POTEI: variants seen among roughly 807,000 people sequenced by gnomAD.
POTEI encodes POTE ankyrin domain family, member I.
In POTEI, 14 loss-of-function variants were observed where a neutral mutation model predicts 43.4. The ratio of observed to expected loss-of-function variants is 0.32; its 90% CI spans 0.21 to 0.50. POTEI has a LOEUF of 0.50. POTEI is among the 20% of genes least tolerant of loss of function. POTEI has a pLI of 0.98. For synonymous variants in POTEI, 95 were observed against 297.9 expected, an observed-to-expected ratio of 0.32 and a Z score of 7.01; for missense variants, 235 against 795.4, an observed-to-expected ratio of 0.30 and a Z score of 8.47.
chr2:130,509,269 C>T lies in POTEI; in HGVS notation c.-34G>A, dbSNP rs1308563251. 15 of 1,022,556 alleles carry T rather than the reference C, an allele frequency of 1.5e-5. No individual in the cohort carries two copies. The highest frequency in any genetic ancestry group is 2.1e-5 in the Non-Finnish European group (15 of 719,084). The allele number at this position is 1,022,556 out of a possible 1,614,324, so 63.3% of individuals were successfully genotyped here. A position where few individuals can be genotyped will look rare whatever the true frequency, so the allele number is the denominator to read the frequency against. Reference sequence around the variant, plus strand: ...AACAGCCTGGGGAGGCCGGTAGTAGCGAGCAGATCACGTCTACCAACCAGT... The same window carrying T: ...AACAGCCTGGGGAGGCCGGTAGTAGTGAGCAGATCACGTCTACCAACCAGT... On this transcript the variant is annotated 5_prime_UTR_variant, in exon 1 of 15. Transcript: ENST00000451531.
chr2:130,491,735 C>G (rs1683743947), intron 6 of POTEI, among the ~76,000 whole-genome samples: 1 of 102,568 alleles, frequency 9.7e-6, no homozygotes. Context: ...TCACTGCAAC[C>G]TCTGACACTC....
chr2:130,463,213 T>A lies in POTEI; in HGVS notation c.2831A>T (p.Asp944Val). Reference protein sequence around the residue: ...SSLEKSYELPDGQVITIGNEW... With the variant: ...SSLEKSYELPVGQVITIGNEW... ...GTTGCCGATGGTGATGACCTGGCCA[T>A]CGGGCAGCTCGTAGCTCTTCTCTAG... The change falls in exon 15 of 15, where the codon GAT becomes GTT. Residue 944 changes from aspartate to valine, a missense_variant. Asp to Val is a radical substitution (Grantham distance 152). Transcript: ENST00000451531. 2.7e-6 allele frequency: 4 copies of A among 1,494,586 alleles called. No homozygotes were observed. In the South Asian group the frequency reaches 4.6e-5, roughly 17 times the overall value. 92.6% of individuals were successfully genotyped at this position (1,494,586 alleles called of 1,614,324 possible). A position where few individuals can be genotyped will look rare whatever the true frequency, so the allele number is the denominator to read the frequency against.
rs538586158 is a variant in POTEI, at chr2:130,509,209, C to T, written c.27G>A (p.Pro9=). 5.2e-5 allele frequency: 76 copies of T among 1,459,864 alleles called. 6 individuals carry two copies. The East Asian group carries it at 1.5e-3, about 29-fold the overall frequency. The allele number at this position is 1,459,864 out of a possible 1,614,324, so 90.4% of individuals were successfully genotyped here. Residue 9 remains proline, a synonymous_variant, in exon 1 of 15, where the codon CCG becomes CCA. Coordinates refer to ENST00000451531, the MANE Select transcript of POTEI (RefSeq NM_001277406.2). The stretch of plus-strand genomic sequence containing the variant: ...ATGGCTTCTTCACAGAAGAGGCAGC[C>T]GGCATTGAATCAACCTCAGCTACCA... MVAEVDSM[P]AASSVKKPFV...
chr2:130,501,820 C>T (rs1224863197), intron 3 of POTEI, among the ~76,000 whole-genome samples: 3 of 4,904 alleles, frequency 6.1e-4, no homozygotes, highest in African/African-American at 8.3e-4. Flanking sequence ...TTGGAGAGGT[C>T]GAGGCTGCAG....
At chr2:130,507,290 A>ATATATATATATATATATG (rs2105131026) in intron 1 of POTEI, among the ~76,000 whole-genome samples, 1 of 9,428 alleles carries the variant, frequency 1.1e-4, no homozygotes, top group African/African-American at 1.2e-4. Context: ...ATATATATAT[A>ATATATATATATATATATG]TATATATATA....
chr2:130,487,772 CT>C (rs1316988534), intron 9 of POTEI, among the ~76,000 whole-genome samples: 1 of 53,254 alleles, frequency 1.9e-5, no homozygotes, highest in African/African-American at 5.9e-5. Flanking sequence ...ACATGTACCC[CT>C]GAAACTAAAA....
At chr2:130,464,972 T>C (rs1682793402) in intron 14 of POTEI, among the ~76,000 whole-genome samples, 1 of 149,290 alleles carries the variant, frequency 6.7e-6, no homozygotes, top group Non-Finnish European at 1.5e-5. Context: ...GTAAATAAGA[T>C]ACAACTTATA....
chr2:130,478,563 C>G (rs2261519), intron 10 of POTEI, among the ~76,000 whole-genome samples: 5 of 108,216 alleles, frequency 4.6e-5, no homozygotes, highest in Non-Finnish European at 8.9e-5. Flanking sequence ...GGGAAAAACA[C>G]AAAGCACATT....
intron 1 of POTEI, among the ~76,000 whole-genome samples, chr2:130,506,949 A>T (rs1684169961): frequency 7.2e-6 from 1 of 138,638 alleles, no homozygotes; most frequent in African/African-American, 2.6e-5. Flanking sequence ...GCCCAATTTT[A>T]AAATGAGCTT....
chr2:130,509,052 C>A lies in POTEI; in HGVS notation c.184G>T (p.Gly62Cys). The change falls in exon 1 of 15, where the codon GGC becomes TGC. Residue 62 changes from glycine (G) to cysteine (C), a missense_variant. Coordinates refer to ENST00000451531, the MANE Select transcript of POTEI (RefSeq NM_001277406.2). Reference sequence around the variant, plus strand: ...GGGAAGCAGTGGCAGCACCACTTGCCCATCTTGCTCCTGAGTGTCTTCATA... The same window carrying A: ...GGGAAGCAGTGGCAGCACCACTTGCACATCTTGCTCCTGAGTGTCTTCATA... ...STMKTLRSKM[G>C]KWCCHCFPCC... 2 of 1,504,320 alleles carry A rather than the reference C, an allele frequency of 1.3e-6. No individual in the cohort carries two copies. The highest frequency in any genetic ancestry group is 9.1e-7 in the Non-Finnish European group (1 of 1,103,546). 93.2% of individuals were successfully genotyped at this position (1,504,320 alleles called of 1,614,324 possible). A position where few individuals can be genotyped will look rare whatever the true frequency, so the allele number is the denominator to read the frequency against.
At chr2:130,496,478 T>C in intron 6 of POTEI, 74 bp downstream of exon 6, 1 of 1,082,472 alleles carries the variant, frequency 9.2e-7, no homozygotes, top group South Asian at 1.7e-5. Context: ...AAAATTGTCT[T>C]CCACAAAACC....
At chr2:130,471,252 C>G (rs1377991390) in intron 13 of POTEI, among the ~76,000 whole-genome samples, 749 of 8,296 alleles carry the variant, frequency 0.09, 288 homozygotes, top group Middle Eastern at 0.75. Context: ...AGACTGGCCT[C>G]TGGATATATT....
Position 130,461,783 on chromosome 2 carries a change from C to T in POTEI, c.*1033G>A, listed in dbSNP as rs1348260807. 1.6e-4 allele frequency: 23 copies of T among 147,372 alleles called. No homozygotes were observed. In the South Asian group the frequency reaches 3.6e-3, roughly 23 times the overall value. 9.1% of individuals were successfully genotyped at this position (147,372 alleles called of 1,614,324 possible). A position where few individuals can be genotyped will look rare whatever the true frequency, so the allele number is the denominator to read the frequency against. On this transcript the variant is annotated 3_prime_UTR_variant, in exon 15 of 15. Coordinates refer to ENST00000451531, the MANE Select transcript of POTEI (RefSeq NM_001277406.2). ...GTGCTGTGGGATCTCTTCTGTCCCTCGTCGGTTTGTACTCTCCAAAGCCCG... is the reference window on the plus strand; with the variant it reads ...GTGCTGTGGGATCTCTTCTGTCCCTTGTCGGTTTGTACTCTCCAAAGCCCG...
chr2:130,492,891 A>T (rs1683797021), intron 6 of POTEI, among the ~76,000 whole-genome samples: 1 of 151,572 alleles, frequency 6.6e-6, no homozygotes, highest in African/African-American at 2.4e-5. Context: ...AGCAATCTTT[A>T]GATTTCTATC....
At chr2:130,492,939 T>A (rs1427088664) in intron 6 of POTEI, among the ~76,000 whole-genome samples, 3 of 151,748 alleles carry the variant, frequency 2.0e-5, no homozygotes, top group Non-Finnish European at 2.9e-5. Context: ...TAACTCCTGG[T>A]ACTCACTCTC....
rs1466263887 is a variant in POTEI at position 130,459,855 on chromosome 2, T to A, written c.*2961A>T. ...GTCTGAAAAGGATCTTATTTCTCCT[T>A]CACTTATGATGCTTAATTTTGCTGG... On this transcript the variant is annotated 3_prime_UTR_variant, in exon 15 of 15. Coordinates refer to ENST00000451531, the MANE Select transcript of POTEI (RefSeq NM_001277406.2). The A allele has an allele frequency of 7.3e-6, 1 of 137,148 alleles. No individual in the cohort carries two copies. The highest frequency in any genetic ancestry group is 3.3e-5 in the African/African-American group (1 of 30,398). 8.5% of individuals were successfully genotyped at this position (137,148 alleles called of 1,614,324 possible). A position where few individuals can be genotyped will look rare whatever the true frequency, so the allele number is the denominator to read the frequency against.
intron 1 of POTEI, among the ~76,000 whole-genome samples, chr2:130,507,317 TACACACACACAC>T (rs56343526): frequency 2.3e-4 from 3 of 13,026 alleles, no homozygotes; most frequent in African/African-American, 5.8e-4. Context: ...TATATATATA[TACACACACACAC>T]ACACACACAT....
rs1461757246 is a variant in POTEI, at chr2:130,463,673, A to T, written c.2371T>A (p.Tyr791Asn). The change falls in exon 15 of 15, where the codon TAC becomes AAC. Residue 791 changes from tyrosine to asparagine, a missense_variant. Transcript: ENST00000451531. Reference protein sequence around the residue: ...DMEKIWHHTFYNELRVAPEEH... With the variant: ...DMEKIWHHTFNNELRVAPEEH... ...TCAGGGGCCACACGCAGCTCGTTGT[A>T]GAAGGTGTGGTGCCAGATCTTCTCC... The T allele has an allele frequency of 6.2e-7, 1 of 1,606,500 alleles. No homozygotes were observed. Among genetic ancestry groups the T allele is most frequent in the Non-Finnish European group, 8.5e-7 (1 of 1,179,238 alleles).
intron 10 of POTEI, among the ~76,000 whole-genome samples, chr2:130,479,369 G>A (rs551772090): frequency 5.0e-5 from 7 of 138,984 alleles, no homozygotes; most frequent in Admixed American, 1.5e-4. Context: ...TTTCACCATG[G>A]ACGGGTGAAA....
Sources: allele counts gnomAD v4.1 joint callset (sites outside exome capture counted in the v4.1 genomes callset), GRCh38; gene constraint gnomAD v4.1.1; transcripts MANE v1.5; gene names NCBI Gene and HGNC (gene_info 2026-07-23, HGNC 2026-07-21).